Variants in CWF19L2 observed in about 807,000 individuals in gnomAD.
The protein encoded by CWF19L2 is CWF19 like cell cycle control factor 2.
Under a neutral mutation model 111.7 loss-of-function variants are expected in CWF19L2, and 98 were observed. The ratio of observed to expected loss-of-function variants is 0.88; its 90% CI spans 0.75 to 1.04. The LOEUF is 1.04. Ranked by LOEUF, CWF19L2 falls within the 50% of genes least tolerant of loss-of-function variation. The pLI is 0.00. For synonymous variants in CWF19L2, 351 were observed against 342.9 expected, an observed-to-expected ratio of 1.02 and a Z score of -0.26; for missense variants, 1,101 against 1,051.4, an observed-to-expected ratio of 1.05 and a Z score of -0.65.
At chr11:107,328,361 G>A (rs1859794083) in intron 17 of CWF19L2, among the ~76,000 whole-genome samples, 2 of 152,056 alleles carry the variant, frequency 1.3e-5, no homozygotes, top group Non-Finnish European at 1.5e-5. Context: ...ACCTAAAATT[G>A]TCTATAAAAT....
chr11:107,431,261 C>A (rs1489743632), intron 7 of CWF19L2, among the ~76,000 whole-genome samples: 1 of 149,578 alleles, frequency 6.7e-6, no homozygotes, highest in Non-Finnish European at 1.5e-5. Flanking sequence ...TCCACATAAC[C>A]CAAAATTTTT....
chr11:107,327,653 G>A (rs1859780626), intron 17 of CWF19L2, among the ~76,000 whole-genome samples: 1 of 152,010 alleles, frequency 6.6e-6, no homozygotes, highest in Non-Finnish European at 1.5e-5. Context: ...TTGGTTATCT[G>A]ATTATTATTC....
In CWF19L2 at chr11:107,371,883, G is replaced by A. The variant is rs571178740; in HGVS notation, c.1873-18147C>T. On this transcript the variant is annotated intron_variant, in intron 12 of 17. Transcript: ENST00000282251. The stretch of plus-strand genomic sequence containing the variant: ...CAACAAAAATAAGAGATGAAAGATG[G>A]TCCCCCCACCTCCACGTCCAAGACA... 8.4e-4 allele frequency among the ~76,000 whole-genome samples: 115 copies of A among 136,992 alleles called. 22 individuals are homozygous for A. Among genetic ancestry groups the A allele is most frequent in the African/African-American group, 3.3e-3 (113 of 34,270 alleles). 89.9% of individuals were successfully genotyped at this position (136,992 alleles called of 152,430 possible). A position where few individuals can be genotyped will look rare whatever the true frequency, so the allele number is the denominator to read the frequency against.
At chr11:107,416,639 A>G (rs1861230349) in intron 9 of CWF19L2, among the ~76,000 whole-genome samples, 1 of 152,256 alleles carries the variant, frequency 6.6e-6, no homozygotes, top group Non-Finnish European at 1.5e-5. Context: ...ATTGGTAACA[A>G]AAAAGCTATC....
Position 107,392,767 on chromosome 11 carries a change from T to G in CWF19L2, c.1734+12A>C, listed in dbSNP as rs201975256. ...TTCTGAATTAATAAACAAAGACATA[T>G]GTTAAACATACCATCTGTCTCTTTC... On this transcript the variant is annotated intron_variant, in intron 11 of 17. Transcript: ENST00000282251. 5.5e-6 allele frequency: 8 copies of G among 1,446,936 alleles called. No homozygotes were observed. The highest frequency in any genetic ancestry group is 4.8e-5 in the South Asian group (4 of 84,028). 89.6% of individuals were successfully genotyped at this position (1,446,936 alleles called of 1,614,324 possible).
intron 3 of CWF19L2, 106 bp downstream of exon 3, chr11:107,454,344 A>C (rs894861146): frequency 2.4e-6 from 2 of 828,520 alleles, no homozygotes; most frequent in Non-Finnish European, 3.3e-6. Flanking sequence ...TATCATAACT[A>C]GTAATATATT....
chr11:107,326,724 T>C lies in CWF19L2; in HGVS notation c.*186A>G, dbSNP rs1859765580. 2.2e-6 allele frequency: 1 copy of C among 449,094 alleles called. No homozygotes were observed. The highest frequency in any genetic ancestry group is 3.9e-6 in the Non-Finnish European group (1 of 255,474). 27.8% of individuals were successfully genotyped at this position (449,094 alleles called of 1,614,324 possible). A position where few individuals can be genotyped will look rare whatever the true frequency, so the allele number is the denominator to read the frequency against. ...TTACTCCATGGTGACTAAAATGAAGTCCATAGATAGGAGCAGGTGAAGAAG... is the reference window on the plus strand; with the variant it reads ...TTACTCCATGGTGACTAAAATGAAGCCCATAGATAGGAGCAGGTGAAGAAG... On this transcript the variant is annotated 3_prime_UTR_variant, in exon 18 of 18. Coordinates refer to ENST00000282251, the MANE Select transcript of CWF19L2 (RefSeq NM_152434.3).
At chr11:107,373,315 G>T (rs1464242591) in intron 12 of CWF19L2, among the ~76,000 whole-genome samples, 1 of 129,454 alleles carries the variant, frequency 7.7e-6, no homozygotes, top group African/African-American at 3.3e-5. Context: ...ACCTCTGGGG[G>T]CAGGGCACAG....
chr11:107,428,768 T>C (rs1861415719), intron 8 of CWF19L2, 31 bp downstream of exon 8: 1 of 1,530,120 alleles, frequency 6.5e-7, no homozygotes, highest in African/African-American at 1.4e-5. Flanking sequence ...CTCTGGATCT[T>C]AACTTATTAG....
chr11:107,335,513 T>C (rs1026358992), intron 15 of CWF19L2, among the ~76,000 whole-genome samples: 8 of 152,208 alleles, frequency 5.3e-5, no homozygotes, highest in East Asian at 1.9e-4. Flanking sequence ...TTAACTTTGA[T>C]TGCATGCAAC....
chr11:107,400,070 G>A (rs948525958), intron 10 of CWF19L2, among the ~76,000 whole-genome samples: 3 of 152,078 alleles, frequency 2.0e-5, no homozygotes, highest in Non-Finnish European at 2.9e-5. Context: ...AGCAAAGGCA[G>A]TGCTAAGAGA....
At chr11:107,350,730 G>A (rs1292216406) in intron 13 of CWF19L2, among the ~76,000 whole-genome samples, 1 of 152,106 alleles carries the variant, frequency 6.6e-6, no homozygotes, top group African/African-American at 2.4e-5. Context: ...ATGGTGATAA[G>A]GGGTACTAAA....
intron 10 of CWF19L2, among the ~76,000 whole-genome samples, chr11:107,411,587 T>C (rs1374406881): frequency 6.6e-6 from 1 of 152,188 alleles, no homozygotes; most frequent in Non-Finnish European, 1.5e-5. Context: ...TTTAGTCTGA[T>C]TATTTCTTAA....
intron 11 of CWF19L2, among the ~76,000 whole-genome samples, chr11:107,391,969 T>C (rs1470698929): frequency 6.6e-6 from 1 of 152,194 alleles, no homozygotes; most frequent in Non-Finnish European, 1.5e-5. Flanking sequence ...CAATGCCTTC[T>C]GACAATGCAT....
intron 8 of CWF19L2, among the ~76,000 whole-genome samples, chr11:107,420,146 A>G (rs1214173992): frequency 6.6e-6 from 1 of 152,116 alleles, no homozygotes; most frequent in Non-Finnish European, 1.5e-5. Context: ...AAAATAGAAA[A>G]CGAATAGCAA....
Position 107,364,611 on chromosome 11 carries a change from T to C in CWF19L2, c.1873-10875A>G, listed in dbSNP as rs1397789209. Among the ~76,000 whole-genome samples, 10 of 131,142 alleles carry C rather than the reference T, an allele frequency of 7.6e-5. 1 individual carries two copies. Among genetic ancestry groups the C allele is most frequent in the Non-Finnish European group, 1.6e-4 (10 of 64,114 alleles). 86.0% of individuals were successfully genotyped at this position (131,142 alleles called of 152,430 possible). A position where few individuals can be genotyped will look rare whatever the true frequency, so the allele number is the denominator to read the frequency against. ...CGAAATGAAAGCAGAAATAAAGATG[T>C]TCTTTGAAACCAACAAGAACAAAGA... On this transcript the variant is annotated intron_variant, in intron 12 of 17. Coordinates refer to ENST00000282251, the MANE Select transcript of CWF19L2 (RefSeq NM_152434.3).
intron 10 of CWF19L2, among the ~76,000 whole-genome samples, chr11:107,399,271 C>T (rs924603739): frequency 1.3e-5 from 2 of 152,086 alleles, no homozygotes; most frequent in South Asian, 2.1e-4. Context: ...TTAAAAGATA[C>T]GGAATCACAG....
intron 8 of CWF19L2, among the ~76,000 whole-genome samples, chr11:107,418,608 G>A (rs377565173): frequency 2.6e-5 from 4 of 151,950 alleles, no homozygotes; most frequent in South Asian, 2.1e-4. Context: ...AAAAACGTTC[G>A]AACCAGGCCA....
intron 3 of CWF19L2, among the ~76,000 whole-genome samples, chr11:107,452,465 A>G (rs1249234336): frequency 6.6e-6 from 1 of 152,196 alleles, no homozygotes; most frequent in African/African-American, 2.4e-5. Context: ...AAAATCAAAG[A>G]CATAAATGGA....
Sources: gnomAD v4.1 joint callset for allele counts (sites outside exome capture counted in the v4.1 genomes callset) on GRCh38, gnomAD v4.1.1 for gene constraint, MANE v1.5 for transcripts, NCBI Gene and HGNC (gene_info 2026-07-23, HGNC 2026-07-21) for gene names.